GRM7: variants seen among roughly 807,000 people sequenced by gnomAD.
The protein encoded by GRM7 is glutamate metabotropic receptor 7.
GRM7 carries 35 observed loss-of-function variants against 84.5 expected under a neutral mutation model. That is an observed-to-expected ratio of 0.41 (90% CI 0.32 to 0.55). The LOEUF is 0.55. GRM7 is among the 20% of genes least tolerant of loss of function. The pLI, the probability that GRM7 is intolerant of heterozygous loss-of-function variation, is 0.19. For synonymous variants in GRM7, 487 were observed against 455.1 expected (o/e 1.07, Z -0.89); for missense variants, 1,003 against 1,194.6 (o/e 0.84, Z 2.36).
chr3:7,590,569 C>T (rs1296395108), intron 8 of GRM7, among the ~76,000 whole-genome samples: 1 of 152,222 alleles, frequency 6.6e-6, no homozygotes, highest in Non-Finnish European at 1.5e-5. Flanking sequence ...TTCTGACCTT[C>T]ATTTCCAATT....
intron 7 of GRM7, among the ~76,000 whole-genome samples, chr3:7,572,319 T>TG (rs1694705803): frequency 6.6e-6 from 1 of 152,162 alleles, no homozygotes; most frequent in African/African-American, 2.4e-5. Context: ...TTAATTTATC[T>TG]GGGGTGTGGT....
At chr3:7,713,079 G>A (rs550327058) in intron 9 of GRM7, among the ~76,000 whole-genome samples, 20 of 146,118 alleles carry the variant, frequency 1.4e-4, no homozygotes, top group African/African-American at 4.1e-4. Context: ...TCCGACTTCT[G>A]AATAAGGTCA....
chr3:7,057,577 A>G (rs1697273754), intron 1 of GRM7, among the ~76,000 whole-genome samples: 1 of 151,990 alleles, frequency 6.6e-6, no homozygotes, highest in Admixed American at 6.6e-5. Context: ...GTGGCAAATC[A>G]TTGCGTTTAA....
intron 8 of GRM7, among the ~76,000 whole-genome samples, chr3:7,620,681 G>A (rs1697316977): frequency 6.6e-6 from 1 of 152,088 alleles, no homozygotes; most frequent in Admixed American, 6.6e-5. Context: ...GTGGAGATGT[G>A]GCATGTGTTA....
intron 4 of GRM7, among the ~76,000 whole-genome samples, chr3:7,357,811 A>G (rs1374620140): frequency 2.0e-5 from 3 of 152,060 alleles, no homozygotes; most frequent in Non-Finnish European, 2.9e-5. Context: ...ATTTCTCTGT[A>G]TTCATGTCTT....
At chr3:7,538,865 T>C (rs901286905) in intron 7 of GRM7, among the ~76,000 whole-genome samples, 13 of 152,188 alleles carry the variant, frequency 8.5e-5, no homozygotes, top group African/African-American at 3.1e-4. Flanking sequence ...CTTATGTTAT[T>C]AAGCAGGTTA....
chr3:7,357,257 G>A (rs748974801), intron 4 of GRM7, among the ~76,000 whole-genome samples: 6 of 150,848 alleles, frequency 4.0e-5, no homozygotes, highest in Non-Finnish European at 8.9e-5. Context: ...TATTTTTTTT[G>A]CTCGTGACCT....
At chr3:7,476,543 C>G (rs1454625273) in intron 7 of GRM7, among the ~76,000 whole-genome samples, 1 of 151,936 alleles carries the variant, frequency 6.6e-6, no homozygotes, top group Non-Finnish European at 1.5e-5. Flanking sequence ...GAGACTCCAC[C>G]TCAAAAAATA....
chr3:7,644,226 G>GTATATATATA (rs1559459873), intron 8 of GRM7, among the ~76,000 whole-genome samples: 1 of 106,574 alleles, frequency 9.4e-6, no homozygotes, highest in African/African-American at 3.5e-5. Flanking sequence ...ATATATGTGT[G>GTATATATATA]TGTCTGTACA....
Position 7,079,594 on chromosome 3 carries a change from T to C in GRM7, c.520-66858T>C, listed in dbSNP as rs76800087. 1.1e-3 allele frequency among the ~76,000 whole-genome samples: 164 copies of C among 152,180 alleles called. 5 individuals carry two copies. The East Asian group carries it at 0.027, about 25-fold the overall frequency. On this transcript the variant is annotated intron_variant, in intron 1 of 9. Coordinates refer to ENST00000357716, the MANE Select transcript of GRM7 (RefSeq NM_000844.4). ...ATGGGTAACTAAACACCATGCCTAG[T>C]AGGCAGACAGTAGTTGAATAGAAGT... is the stretch of plus-strand genomic sequence containing the variant.
chr3:7,313,979 A>C (rs1158346235), intron 4 of GRM7, among the ~76,000 whole-genome samples: 1 of 152,182 alleles, frequency 6.6e-6, no homozygotes, highest in Non-Finnish European at 1.5e-5. Context: ...GAAATTAGAA[A>C]TGTATAAATA....
At chr3:7,600,464 A>C (rs1696258891) in intron 8 of GRM7, among the ~76,000 whole-genome samples, 1 of 152,118 alleles carries the variant, frequency 6.6e-6, no homozygotes, top group African/African-American at 2.4e-5. Flanking sequence ...CCTCTTGGTA[A>C]GCAACACAAA....
intron 7 of GRM7, among the ~76,000 whole-genome samples, chr3:7,467,320 C>A (rs1300340776): frequency 6.6e-6 from 1 of 152,170 alleles, no homozygotes; most frequent in Non-Finnish European, 1.5e-5. Flanking sequence ...ATCTGCTGAC[C>A]TTGTAATCAG....
intron 1 of GRM7, among the ~76,000 whole-genome samples, chr3:6,919,276 G>C (rs1697040295): frequency 6.6e-6 from 1 of 151,694 alleles, no homozygotes; most frequent in East Asian, 1.9e-4. Context: ...TTGGCTCACT[G>C]CAACCTCCAA....
intron 4 of GRM7, among the ~76,000 whole-genome samples, chr3:7,372,558 G>A (rs1694182684): frequency 6.6e-6 from 1 of 152,096 alleles, no homozygotes; most frequent in Non-Finnish European, 1.5e-5. Flanking sequence ...TTTGACCACA[G>A]TTTAGACACT....
chr3:7,103,760 T>C (rs896130366), intron 1 of GRM7, among the ~76,000 whole-genome samples: 7 of 58,542 alleles, frequency 1.2e-4, no homozygotes, highest in South Asian at 5.2e-4. Context: ...CTTTCTTTCT[T>C]TCTTTCTTTC....
intron 1 of GRM7, among the ~76,000 whole-genome samples, chr3:7,135,389 G>C (rs1432590530): frequency 6.6e-6 from 1 of 152,128 alleles, no homozygotes; most frequent in African/African-American, 2.4e-5. Context: ...ATGCCCCACT[G>C]GGAGTTCATT....
At chr3:7,732,386 A>C (rs943324745) in intron 9 of GRM7, among the ~76,000 whole-genome samples, 5 of 152,176 alleles carry the variant, frequency 3.3e-5, no homozygotes, top group African/African-American at 1.2e-4. Flanking sequence ...TTAGTGCTTC[A>C]CCCTGGTTGT....
At chr3:7,172,513 G>A (rs1695014265) in intron 2 of GRM7, among the ~76,000 whole-genome samples, 1 of 151,576 alleles carries the variant, frequency 6.6e-6, no homozygotes, top group South Asian at 2.1e-4. Flanking sequence ...ACCAACCCCA[G>A]GACATCCGTG....
Sources: gnomAD v4.1 joint callset for allele counts (sites outside exome capture counted in the v4.1 genomes callset) on GRCh38, gnomAD v4.1.1 for gene constraint, MANE v1.5 for transcripts, NCBI Gene and HGNC (gene_info 2026-07-23, HGNC 2026-07-21) for gene names.